ZNF69: variants seen among roughly 807,000 people sequenced by gnomAD.
ZNF69 encodes the protein ZNF3.
A neutral mutation model predicts 50.9 loss-of-function variants in ZNF69; 47 were observed. That is an observed-to-expected ratio of 0.92 (90% confidence interval 0.73 to 1.18). The LOEUF is 1.18. Ranked by LOEUF, ZNF69 falls within the 50% of genes most tolerant of loss-of-function variation. The pLI, the probability that ZNF69 is intolerant of heterozygous loss-of-function variation, is 0.00. For synonymous variants in ZNF69, 216 were observed against 223.1 expected, an observed-to-expected ratio of 0.97 and a Z score of 0.29; for missense variants, 717 against 675.1, an observed-to-expected ratio of 1.06 and a Z score of -0.69.
the ZNF69 span, chr19:11,925,299 G>A: frequency 6.2e-6 from 10 of 1,609,326 alleles, no homozygotes; most frequent in Admixed American, 1.7e-4. Flanking sequence ...CAGATGTCGT[G>A]AGACGGGGGA....
chr19:11,974,061 CTTCT>C, the ZNF69 span, among the ~76,000 whole-genome samples: 1 of 144,208 alleles, frequency 6.9e-6, no homozygotes, highest in Non-Finnish European at 1.5e-5. Flanking sequence ...TCTTTCTTTC[CTTCT>C]TTCTTTTCTT....
At chr19:11,979,347 A>G in the ZNF69 span, 1 of 1,611,566 alleles carries the variant, frequency 6.2e-7, no homozygotes. Flanking sequence ...CTCACTGGAG[A>G]GAAACCCTAT....
chr19:11,924,688 G>A, the ZNF69 span, among the ~76,000 whole-genome samples: 3 of 152,074 alleles, frequency 2.0e-5, no homozygotes, highest in Non-Finnish European at 2.9e-5. Context: ...CGGCCCGCTC[G>A]AGGACATATG....
At chr19:11,924,170 C>A in the ZNF69 span, among the ~76,000 whole-genome samples, 1 of 152,224 alleles carries the variant, frequency 6.6e-6, no homozygotes. Context: ...CGGTGGCTCA[C>A]GCCTGTAATC....
the ZNF69 span, among the ~76,000 whole-genome samples, chr19:11,959,891 C>G: frequency 6.6e-6 from 1 of 151,986 alleles, no homozygotes; most frequent in East Asian, 1.9e-4. Context: ...TGTTGCCCAT[C>G]TACTCTTAAG....
At position 11,905,155 on chromosome 19, in the gene ZNF69, G is replaced by A; in HGVS notation, c.758G>A (p.Cys253Tyr). 4 of 1,614,170 alleles carry A rather than the reference G, an allele frequency of 2.5e-6. No individual in the cohort carries two copies. Among genetic ancestry groups the A allele is most frequent in the South Asian group, 1.1e-5 (1 of 91,080 alleles). Residue 253 changes from cysteine to tyrosine, a missense_variant, in exon 4 of 4, where the codon TGT (cysteine) becomes TAT (tyrosine). Coordinates refer to ENST00000429654, the MANE Select transcript of ZNF69 (RefSeq NM_001364730.1). ...TGEKPYECKQ[C>Y]GKSFSYSATL... ...GAGAAACCATATGAATGTAAACAATGTGGTAAATCCTTTAGTTATTCTGCT... is the reference window on the plus strand; with the variant it reads ...GAGAAACCATATGAATGTAAACAATATGGTAAATCCTTTAGTTATTCTGCT...
At chr19:11,979,760 A>G in the ZNF69 span, 1 of 1,558,100 alleles carries the variant, frequency 6.4e-7, no homozygotes, top group Non-Finnish European at 8.8e-7. Context: ...ACACCTTCGA[A>G]TCCATGGTAG....
the ZNF69 span, among the ~76,000 whole-genome samples, chr19:11,972,600 T>C: frequency 6.6e-6 from 1 of 152,238 alleles, no homozygotes; most frequent in Admixed American, 6.5e-5. Context: ...ACATTTTTTA[T>C]GCAAATGATA....
rs556289371 is a variant in ZNF69, at chr19:11,888,834, G to A, written c.63+848G>A. On this transcript the variant is annotated intron_variant, in intron 1 of 3. Transcript: ENST00000429654. ...AATATAAAAAAGAAACTAGCCGGGC[G>A]TGATGGTGGACGCCTGTAATCCCAG... 2.1e-3 allele frequency among the ~76,000 whole-genome samples: 323 copies of A among 152,220 alleles called. 2 individuals are homozygous for A. Among genetic ancestry groups the A allele is most frequent in the African/African-American group, 7.2e-3 (301 of 41,518 alleles).
At chr19:11,937,868 C>T in the ZNF69 span, among the ~76,000 whole-genome samples, 1 of 152,040 alleles carries the variant, frequency 6.6e-6, no homozygotes, top group Non-Finnish European at 1.5e-5. Context: ...TGTTTTTAAT[C>T]ATGAGGAGAT....
At chr19:11,924,571 T>C in the ZNF69 span, among the ~76,000 whole-genome samples, 1 of 152,228 alleles carries the variant, frequency 6.6e-6, no homozygotes, top group African/African-American at 2.4e-5. Context: ...AAACAAAACC[T>C]GGTGAGAGTT....
chr19:11,906,655 C>T lies in ZNF69; in HGVS notation c.*557C>T, dbSNP rs1381284761. Among the ~76,000 whole-genome samples, 1 of 152,172 alleles carries T rather than the reference C, an allele frequency of 6.6e-6. No homozygotes were observed. The highest frequency in any genetic ancestry group is 1.5e-5 in the Non-Finnish European group (1 of 68,026). The stretch of plus-strand genomic sequence containing the variant: ...AACTAACAAACAGAAAGGACAACCA[C>T]ACCAAAACCCATCTGTACATCACCA... On this transcript the variant is annotated 3_prime_UTR_variant, in exon 4 of 4. Coordinates refer to ENST00000429654, the MANE Select transcript of ZNF69 (RefSeq NM_001364730.1).
At chr19:11,906,898 G>A (rs187965756), downstream of ZNF69, among the ~76,000 whole-genome samples, 7 of 152,208 alleles carry the variant, frequency 4.6e-5, no homozygotes, top group South Asian at 2.1e-4. Flanking sequence ...GAGGATGTTC[G>A]AACCCATCAC....
chr19:11,961,663 T>C, the ZNF69 span: 28 of 152,176 alleles, frequency 1.8e-4, no homozygotes, highest in Admixed American at 9.8e-4. Context: ...TTGCCTAGGC[T>C]GGAGTACAAT....
the ZNF69 span, chr19:11,947,609 C>G: frequency 1.3e-6 from 2 of 1,561,362 alleles, no homozygotes; most frequent in Non-Finnish European, 1.8e-6. Context: ...CAGTGTCTCT[C>G]TGCACAATCT....
the ZNF69 span, chr19:11,978,545 A>G: frequency 3.7e-6 from 6 of 1,614,116 alleles, no homozygotes; most frequent in African/African-American, 1.3e-5. Flanking sequence ...TTTGTGGGAA[A>G]GCTGTCCATT....
the ZNF69 span, chr19:11,925,096 G>A: frequency 1.8e-5 from 21 of 1,198,282 alleles, no homozygotes; most frequent in African/African-American, 6.2e-5. Context: ...GGAAATGGAG[G>A]GGGTCGCTTT....
At chr19:11,979,117 A>G in the ZNF69 span, 1 of 1,613,404 alleles carries the variant, frequency 6.2e-7, no homozygotes, top group Non-Finnish European at 8.5e-7. Flanking sequence ...TAAATGTTAG[A>G]TATGTGGGAA....
chr19:11,939,046 G>A, the ZNF69 span, among the ~76,000 whole-genome samples: 1 of 152,210 alleles, frequency 6.6e-6, no homozygotes, highest in African/African-American at 2.4e-5. Flanking sequence ...GTCTGTTCAT[G>A]TCCTTTGCCC....
Sources: allele counts gnomAD v4.1 joint callset (sites outside exome capture counted in the v4.1 genomes callset), GRCh38; gene constraint gnomAD v4.1.1; transcripts MANE v1.5; gene names NCBI Gene and HGNC (gene_info 2026-07-23, HGNC 2026-07-21).